LAMA2: variants seen among roughly 807,000 people sequenced by gnomAD.
The protein encoded by LAMA2 is laminin subunit alpha 2.
Under a neutral mutation model 364.8 loss-of-function variants are expected in LAMA2, and 269 were observed. That is an observed-to-expected ratio of 0.74 (90% confidence interval 0.67 to 0.82). The LOEUF (loss-of-function observed/expected upper bound fraction) is 0.82, where lower values mean the gene tolerates loss of function less well. Among genes scored for constraint, LAMA2 ranks in the 40% least tolerant of loss-of-function variants. LAMA2 has a pLI of 0.00. For missense variants in LAMA2, 3,807 were observed against 3,873.2 expected (o/e 0.98, Z 0.45); for synonymous variants, 1,379 against 1,370.6 (o/e 1.01, Z -0.14).
intron 41 of LAMA2, among the ~76,000 whole-genome samples, chr6:129,433,628 A>C (rs2114752335): frequency 6.6e-6 from 1 of 152,326 alleles, no homozygotes; most frequent in East Asian, 1.9e-4. Context: ...GAATTTGAAT[A>C]GTCAAATTAA....
intron 30 of LAMA2, 46 bp downstream of exon 30, chr6:129,342,513 C>A: frequency 6.3e-7 from 1 of 1,592,094 alleles, no homozygotes; most frequent in Non-Finnish European, 8.6e-7. Flanking sequence ...GAAACGCCAT[C>A]TGTCTAGCAC....
At chr6:129,486,085 A>AGG in intron 55 of LAMA2, among the ~76,000 whole-genome samples, 1 of 152,226 alleles carries the variant, frequency 6.6e-6, no homozygotes, top group Admixed American at 6.5e-5. Flanking sequence ...AGAATGCCAC[A>AGG]AGGTTGGGAG....
chr6:129,260,717 C>A lies in LAMA2; in HGVS notation c.2103C>A (p.Ser701Arg). ...SFGMDAIFRL[S>R]SVNLESAVSY... The stretch of plus-strand genomic sequence containing the variant: ...CTTTTTTCCTCTGCCATAGGTTGAG[C>A]TCTGTTAACCTTGAATCCGCTGTCT... Residue 701 changes from serine (S) to arginine (R), a missense_variant, in exon 15 of 65, where the codon AGC (serine) becomes AGA (arginine). Around this residue, in one of 3 missense-constraint regions of LAMA2, gnomAD observed 3,333 missense variants for 3,345.7 expected, o/e 1.00. Coordinates refer to ENST00000421865, the MANE Select transcript of LAMA2 (RefSeq NM_000426.4). 6.2e-7 allele frequency: 1 copy of A among 1,604,846 alleles called. No individual in the cohort carries two copies. Among genetic ancestry groups the A allele is most frequent in the Non-Finnish European group, 8.5e-7 (1 of 1,171,782 alleles).
chr6:129,110,964 C>T (rs1484353071), intron 4 of LAMA2, among the ~76,000 whole-genome samples: 1 of 151,976 alleles, frequency 6.6e-6, no homozygotes, highest in Non-Finnish European at 1.5e-5. Context: ...GGCAAAAGTA[C>T]ACTTGAAAAT....
At chr6:129,370,431 A>G (rs1179012925) in intron 34 of LAMA2, among the ~76,000 whole-genome samples, 1 of 152,242 alleles carries the variant, frequency 6.6e-6, no homozygotes, top group Non-Finnish European at 1.5e-5. Flanking sequence ...AATCTTCTCT[A>G]TTGTGAGACT....
At chr6:129,333,745 T>C (rs1211452765) in intron 29 of LAMA2, among the ~76,000 whole-genome samples, 1 of 152,212 alleles carries the variant, frequency 6.6e-6, no homozygotes, top group African/African-American at 2.4e-5. Flanking sequence ...ATATGTCTTA[T>C]GCAATCTTCA....
chr6:129,304,264 T>A (rs917602759), intron 22 of LAMA2, among the ~76,000 whole-genome samples: 2 of 152,008 alleles, frequency 1.3e-5, no homozygotes, highest in Non-Finnish European at 1.5e-5. Flanking sequence ...AGTTTTTTTG[T>A]TTTTTGTTTT....
At chr6:129,138,599 T>G (rs1477138375) in intron 4 of LAMA2, among the ~76,000 whole-genome samples, 1 of 152,174 alleles carries the variant, frequency 6.6e-6, no homozygotes, top group Non-Finnish European at 1.5e-5. Flanking sequence ...ACCCGTGCAT[T>G]ACTGTTTCAT....
chr6:129,192,601 C>A, intron 11 of LAMA2, 79 bp from the exon 12 acceptor site: 2 of 1,382,434 alleles, frequency 1.4e-6, no homozygotes, highest in Non-Finnish European at 2.0e-6. Context: ...CAAAAGTGGA[C>A]ACGACCAGGA....
chr6:129,291,431 A>G (rs1789693900), intron 19 of LAMA2, among the ~76,000 whole-genome samples, 183 bp from the exon 20 acceptor site: 1 of 152,216 alleles, frequency 6.6e-6, no homozygotes, highest in South Asian at 2.1e-4. Flanking sequence ...TTATCCCTAC[A>G]GCTTGTAGAG....
chr6:129,251,935 C>CAA (rs1160760839), intron 13 of LAMA2, 149 bp from the exon 14 acceptor site: 12 of 583,872 alleles, frequency 2.1e-5, no homozygotes, highest in African/African-American at 1.4e-4. Context: ...ACTCTGTCTC[C>CAA]AAAAAAAAAT....
At chr6:128,992,608 G>A (rs906932494) in intron 1 of LAMA2, among the ~76,000 whole-genome samples, 1 of 152,172 alleles carries the variant, frequency 6.6e-6, no homozygotes, top group Non-Finnish European at 1.5e-5. Context: ...CCAGGGACTG[G>A]CATTTAAAGA....
chr6:129,029,859 C>A (rs781287391), intron 1 of LAMA2, among the ~76,000 whole-genome samples: 6 of 151,978 alleles, frequency 3.9e-5, no homozygotes, highest in Non-Finnish European at 8.8e-5. Flanking sequence ...TCTGGGGCTA[C>A]TTTTTTCTCA....
At chr6:128,902,981 A>G (rs1461188745) in intron 1 of LAMA2, among the ~76,000 whole-genome samples, 1 of 152,208 alleles carries the variant, frequency 6.6e-6, no homozygotes, top group African/African-American at 2.4e-5. Flanking sequence ...ATGACCAGTC[A>G]CAACTTAGAA....
At chr6:129,361,901 C>T (rs193175004) in intron 32 of LAMA2, among the ~76,000 whole-genome samples, 2 of 150,888 alleles carry the variant, frequency 1.3e-5, no homozygotes, top group East Asian at 3.9e-4. Flanking sequence ...ACTCCTCCCT[C>T]AGCCTCCCGA....
chr6:129,475,789 T>C lies in LAMA2; in HGVS notation c.7451+388T>C, dbSNP rs921908604. 5.0e-4 allele frequency among the ~76,000 whole-genome samples: 76 copies of C among 152,150 alleles called. 1 individual carries two copies. Among genetic ancestry groups the C allele is most frequent in the African/African-American group, 1.7e-3 (70 of 41,550 alleles). ...GTCTCTTGAGTTGAACCCCGGGCCC[T>C]GGCCTCCCTAGTGCCATGCTGTCTG... is the stretch of plus-strand genomic sequence containing the variant. On this transcript the variant is annotated intron_variant, in intron 53 of 64. Transcript: ENST00000421865.
At chr6:129,490,130 T>C (rs1784788055) in intron 56 of LAMA2, among the ~76,000 whole-genome samples, 1 of 152,240 alleles carries the variant, frequency 6.6e-6, no homozygotes, top group South Asian at 2.1e-4. Context: ...TTGATGTTCC[T>C]AAAAGGTAAA....
At chr6:129,288,673 C>T (rs1413001046) in intron 19 of LAMA2, among the ~76,000 whole-genome samples, 2 of 152,176 alleles carry the variant, frequency 1.3e-5, no homozygotes, top group Non-Finnish European at 2.9e-5. Flanking sequence ...TCTAGGGCTT[C>T]ATCCATATTA....
chr6:128,953,243 C>T (rs1473126259), intron 1 of LAMA2, among the ~76,000 whole-genome samples: 1 of 152,122 alleles, frequency 6.6e-6, no homozygotes, highest in African/African-American at 2.4e-5. Flanking sequence ...AATTGAGTAC[C>T]TTTCAATTGA....
Sources: allele counts gnomAD v4.1 joint callset (sites outside exome capture counted in the v4.1 genomes callset), GRCh38; gene constraint gnomAD v4.1.1; regional missense constraint gnomAD v4.1.1; transcripts MANE v1.5; gene names NCBI Gene and HGNC (gene_info 2026-07-23, HGNC 2026-07-21).